FGFR1OP2: variants seen among roughly 807,000 people sequenced by gnomAD.
The protein encoded by FGFR1OP2 is fibroblast growth factor receptor 1 oncogene partner 2.
In FGFR1OP2, 17 loss-of-function variants were observed where a neutral mutation model predicts 35.2. The ratio of observed to expected loss-of-function variants is 0.48; its 90% CI spans 0.33 to 0.73. The LOEUF is 0.73. Ranked by LOEUF, FGFR1OP2 falls within the 30% of genes least tolerant of loss-of-function variation. The probability of loss-of-function intolerance (pLI) is 0.02; values close to 1 mark genes in which losing one functional copy is unlikely to be tolerated. For synonymous variants in FGFR1OP2, 105 were observed against 104.6 expected, an observed-to-expected ratio of 1.00 and a Z score of -0.03; for missense variants, 251 against 307.3, an observed-to-expected ratio of 0.82 and a Z score of 1.37.
chr12:26,956,186 T>G lies in FGFR1OP2; in HGVS notation c.136-357T>G, dbSNP rs375314469. Reference sequence around the variant, plus strand: ...CAATGTATGGAAGGTTGCAGTTTCTTCACATCCTCTCCAACAATTGTTATT... The same window carrying G: ...CAATGTATGGAAGGTTGCAGTTTCTGCACATCCTCTCCAACAATTGTTATT... On this transcript the variant is annotated intron_variant, in intron 2 of 6. Coordinates refer to ENST00000229395, the MANE Select transcript of FGFR1OP2 (RefSeq NM_015633.3). Among the ~76,000 whole-genome samples, 28 of 152,274 alleles carry G rather than the reference T, an allele frequency of 1.8e-4. No individual in the cohort carries two copies. In the East Asian group the frequency reaches 2.7e-3, roughly 15 times the overall value.
At chr12:26,948,461 GTGT>G (rs1304944478) in intron 1 of FGFR1OP2, among the ~76,000 whole-genome samples, 1 of 152,206 alleles carries the variant, frequency 6.6e-6, no homozygotes, top group Admixed American at 6.5e-5. Flanking sequence ...CATTTTGAAA[GTGT>G]TGTTCTACTT....
At chr12:26,950,328 T>G (rs999386904) in intron 1 of FGFR1OP2, among the ~76,000 whole-genome samples, 3 of 144,992 alleles carry the variant, frequency 2.1e-5, no homozygotes, top group African/African-American at 7.6e-5. Flanking sequence ...GTTCACGCTA[T>G]TCTCCTGCCT....
chr12:26,953,022 G>A (rs1156801112), intron 1 of FGFR1OP2, among the ~76,000 whole-genome samples: 9 of 152,022 alleles, frequency 5.9e-5, no homozygotes, highest in Admixed American at 2.6e-4. Flanking sequence ...CAGCGCTTTG[G>A]GAGGCCAAGG....
chr12:26,944,253 C>G (rs530577751), intron 1 of FGFR1OP2, among the ~76,000 whole-genome samples: 3 of 152,102 alleles, frequency 2.0e-5, no homozygotes, highest in African/African-American at 4.8e-5. Context: ...TCTTTTCCAG[C>G]CTGTATGGTT....
chr12:26,961,315 A>C (rs1939102735), intron 5 of FGFR1OP2: 1 of 152,208 alleles, frequency 6.6e-6, no homozygotes, highest in South Asian at 2.1e-4. Flanking sequence ...TTTATAATTA[A>C]ATAAGTGAAC....
chr12:26,941,179 T>A (rs1489767742), intron 1 of FGFR1OP2, among the ~76,000 whole-genome samples: 5 of 152,146 alleles, frequency 3.3e-5, no homozygotes, highest in Admixed American at 2.6e-4. Flanking sequence ...GTAAGTGTAT[T>A]ATGGCCAGTT....
In FGFR1OP2 at chr12:26,954,150, T is replaced by G; in HGVS notation, c.-9T>G. ...GATTTTAATTTTAATTATAGATATA[T>G]CTTTAGAAATGAGTTGCACAATTGA... is the stretch of plus-strand genomic sequence containing the variant. On this transcript the variant is annotated 5_prime_UTR_variant, in exon 2 of 7. Transcript: ENST00000229395. 1 of 1,575,060 alleles carries G rather than the reference T, an allele frequency of 6.3e-7. No homozygotes were observed. The highest frequency in any genetic ancestry group is 8.6e-7 in the Non-Finnish European group (1 of 1,162,362).
chr12:26,954,281 A>T lies in FGFR1OP2; in HGVS notation c.123A>T (p.Glu41Asp). Residue 41 changes from glutamate to aspartate, a missense_variant, in exon 2 of 7, where the codon GAA (glutamate) becomes GAT (aspartate). Coordinates refer to ENST00000229395, the MANE Select transcript of FGFR1OP2 (RefSeq NM_015633.3). The stretch of plus-strand genomic sequence containing the variant: ...CCACAGCTCTCAACAAGCGAGTAGA[A>T]GCCATGAAACAGGTTTGATTTTTCT... Reference protein sequence around the residue: ...EQTTALNKRVEAMKQYQEEIQ... With the variant: ...EQTTALNKRVDAMKQYQEEIQ... The T allele has an allele frequency of 6.2e-7, 1 of 1,605,134 alleles. No homozygotes were observed. The highest frequency in any genetic ancestry group is 1.1e-5 in the South Asian group (1 of 88,890).
At chr12:26,944,411 C>CT (rs1256646815) in intron 1 of FGFR1OP2, among the ~76,000 whole-genome samples, 1 of 152,094 alleles carries the variant, frequency 6.6e-6, no homozygotes, top group Non-Finnish European at 1.5e-5. Context: ...TGAAAATGCC[C>CT]TTTCTCAGTT....
rs148624906 is a variant in FGFR1OP2, at chr12:26,954,573, A to G, written c.135+280A>G. On this transcript the variant is annotated intron_variant, in intron 2 of 6. Transcript: ENST00000229395. ...TTAGGTCTAGAAACATTTGACAAAG[A>G]CCAGATAATACCTTTTACTAATGTT... 9.4e-4 allele frequency among the ~76,000 whole-genome samples: 143 copies of G among 152,322 alleles called. 1 individual carries two copies. The highest frequency in any genetic ancestry group is 3.2e-3 in the African/African-American group (131 of 41,574).
At chr12:26,947,772 A>G (rs1938853274) in intron 1 of FGFR1OP2, among the ~76,000 whole-genome samples, 1 of 152,174 alleles carries the variant, frequency 6.6e-6, no homozygotes, top group Non-Finnish European at 1.5e-5. Context: ...AATTCTGATC[A>G]TCTGTCTTAA....
Position 26,953,044 on chromosome 12 carries a change from T to C in FGFR1OP2, c.-14-1101T>C, listed in dbSNP as rs577810416. Among the ~76,000 whole-genome samples the C allele has an allele frequency of 2.0e-3, 302 of 151,918 alleles. 2 individuals carry two copies. The highest frequency in any genetic ancestry group is 5.0e-4 in the Non-Finnish European group (34 of 67,912). On this transcript the variant is annotated intron_variant, in intron 1 of 6. Coordinates refer to ENST00000229395, the MANE Select transcript of FGFR1OP2 (RefSeq NM_015633.3). ...TTGGGAGGCCAAGGCGGGCGGATCA[T>C]GAGGTCAGGAGATCGAGACCATCCT...
chr12:26,948,512 A>G (rs1374959733), intron 1 of FGFR1OP2, among the ~76,000 whole-genome samples: 2 of 152,202 alleles, frequency 1.3e-5, no homozygotes, highest in Non-Finnish European at 2.9e-5. Context: ...GCCTACAGTC[A>G]TTCAAATTGT....
At chr12:26,944,271 C>A (rs540265407) in intron 1 of FGFR1OP2, among the ~76,000 whole-genome samples, 1 of 152,126 alleles carries the variant, frequency 6.6e-6, no homozygotes, top group Non-Finnish European at 1.5e-5. Flanking sequence ...GTTTTTCCCC[C>A]CTTCCTAGCC....
At chr12:26,951,508 C>T (rs556556908) in intron 1 of FGFR1OP2, among the ~76,000 whole-genome samples, 8 of 152,076 alleles carry the variant, frequency 5.3e-5, no homozygotes, top group East Asian at 3.9e-4. Context: ...TTAGTAGAGA[C>T]GGTGTTTCAC....
intron 5 of FGFR1OP2, 42 bp from the exon 6 acceptor site, chr12:26,963,300 A>G (rs763497503): frequency 1.5e-6 from 2 of 1,354,786 alleles, no homozygotes; most frequent in Admixed American, 4.0e-5. Flanking sequence ...CAAAAATAAA[A>G]AAGTATTTTG....
rs1218700482 is a variant in FGFR1OP2, at chr12:26,956,651, G to C, written c.244G>C (p.Glu82Gln). Residue 82 changes from glutamate to glutamine, a missense_variant, in exon 3 of 7, where the codon GAA becomes CAA. Coordinates refer to ENST00000229395, the MANE Select transcript of FGFR1OP2 (RefSeq NM_015633.3). ...ENRQIRELQQ[E>Q]NKELRTSLEE... ...CAGACAAATCAGAGAGTTGCAACAA[G>C]AAAACAAAGGTAAGATACGTTACTT... 4 of 1,576,616 alleles carry C rather than the reference G, an allele frequency of 2.5e-6. No individual in the cohort carries two copies. The highest frequency in any genetic ancestry group is 4.7e-5 in the East Asian group (2 of 42,360).
At position 26,964,934 on chromosome 12, in the gene FGFR1OP2, A is replaced by G; in HGVS notation, c.*201A>G. On this transcript the variant is annotated 3_prime_UTR_variant, in exon 7 of 7. Transcript: ENST00000229395. ...ATAATTGGAAAATAGAAACTGAGCC[A>G]TTGCCAAATGGTAAAGAAATGAAAA... 1 of 484,950 alleles carries G rather than the reference A, an allele frequency of 2.1e-6. No homozygotes were observed. Among genetic ancestry groups the G allele is most frequent in the Non-Finnish European group, 3.5e-6 (1 of 284,178 alleles). The allele number at this position is 484,950 out of a possible 1,614,324, so 30.0% of individuals were successfully genotyped here.
Position 26,964,648 on chromosome 12 carries a change from T to G in FGFR1OP2, c.677T>G (p.Leu226Trp). The G allele has an allele frequency of 1.9e-6, 3 of 1,613,162 alleles. No homozygotes were observed. The South Asian group carries it at 3.3e-5, about 18-fold the overall frequency. ...CTTCAAATAACTCGAGAATCATTTTTGAACCTAAGGAAAGATGATGCGTCG... is the reference window on the plus strand; with the variant it reads ...CTTCAAATAACTCGAGAATCATTTTGGAACCTAAGGAAAGATGATGCGTCG... ...EILQITRESF[L>W]NLRKDDASES... Residue 226 changes from leucine to tryptophan, a missense_variant, in exon 7 of 7, where the codon TTG becomes TGG. By Grantham distance (61) the Leu-to-Trp change is moderately conservative. Transcript: ENST00000229395.
Sources: allele counts gnomAD v4.1 joint callset (sites outside exome capture counted in the v4.1 genomes callset), GRCh38; gene constraint gnomAD v4.1.1; transcripts MANE v1.5; gene names NCBI Gene and HGNC (gene_info 2026-07-23, HGNC 2026-07-21).